SLC30A4: variants seen among roughly 807,000 people sequenced by gnomAD.
The protein encoded by SLC30A4 is solute carrier family 30 member 4.
SLC30A4 carries 20 observed loss-of-function variants against 41.7 expected under a neutral mutation model. The observed-to-expected ratio is 0.48, with a 90% CI of 0.34 to 0.70. The LOEUF is 0.70. SLC30A4 is among the 30% of genes least tolerant of loss of function. The pLI is 0.01. For synonymous variants in SLC30A4, 181 were observed against 195.9 expected (o/e 0.92, Z 0.64); for missense variants, 441 against 529.3 (o/e 0.83, Z 1.64).
At chr15:45,521,666 A>G (rs983608282) in intron 2 of SLC30A4, among the ~76,000 whole-genome samples, 2 of 152,252 alleles carry the variant, frequency 1.3e-5, no homozygotes, top group Admixed American at 1.3e-4. Context: ...GTATTTTACC[A>G]GACCTTTGTA....
chr15:45,492,893 C>T (rs1446947499), intron 3 of SLC30A4, among the ~76,000 whole-genome samples: 1 of 152,088 alleles, frequency 6.6e-6, no homozygotes, highest in Non-Finnish European at 1.5e-5. Flanking sequence ...GCTTTTGTAC[C>T]ATTTGAGTTT....
intron 3 of SLC30A4, among the ~76,000 whole-genome samples, chr15:45,500,938 C>T (rs1349864767): frequency 6.7e-6 from 1 of 149,742 alleles, no homozygotes; most frequent in Non-Finnish European, 1.5e-5. Flanking sequence ...CCCTCCTCGG[C>T]CTCCCAAAGT....
At chr15:45,515,585 G>A (rs1252634544) in intron 2 of SLC30A4, among the ~76,000 whole-genome samples, 1 of 151,898 alleles carries the variant, frequency 6.6e-6, no homozygotes, top group South Asian at 2.1e-4. Context: ...CCTGGGAGGT[G>A]GAGCTTGCAG....
At chr15:45,505,238 TAAAA>T (rs1209222695) in intron 3 of SLC30A4, among the ~76,000 whole-genome samples, 2 of 53,280 alleles carry the variant, frequency 3.8e-5, no homozygotes, top group Non-Finnish European at 4.1e-5. Context: ...TCTCAAAAAT[TAAAA>T]AAAAAAAAAA....
chr15:45,521,862 C>T, intron 2 of SLC30A4, 102 bp downstream of exon 2: 1 of 1,233,638 alleles, frequency 8.1e-7, no homozygotes, highest in Non-Finnish European at 1.1e-6. Flanking sequence ...TAAATACAAA[C>T]TTCCTGAAAA....
intron 2 of SLC30A4, among the ~76,000 whole-genome samples, chr15:45,517,315 T>G (rs1417605652): frequency 6.6e-6 from 1 of 151,068 alleles, no homozygotes; most frequent in Non-Finnish European, 1.5e-5. Flanking sequence ...CTCATATTCT[T>G]GCTTCCAAGA....
At chr15:45,490,684 T>G in intron 4 of SLC30A4, 44 bp downstream of exon 4, 1 of 1,373,092 alleles carries the variant, frequency 7.3e-7, no homozygotes, top group Non-Finnish European at 1.0e-6. Context: ...AGTCTCTGAG[T>G]TCACAGTACT....
chr15:45,503,781 T>C (rs1366709489), intron 3 of SLC30A4, among the ~76,000 whole-genome samples: 4 of 152,076 alleles, frequency 2.6e-5, no homozygotes, highest in Admixed American at 2.0e-4. Flanking sequence ...ATCCCATCTC[T>C]ACTAAAAAGA....
rs1052379471 is a variant in SLC30A4 at position 45,482,682 on chromosome 15, A to G, written c.*2481T>C. 5.9e-5 allele frequency: 9 copies of G among 152,140 alleles called. No individual in the cohort carries two copies. Among genetic ancestry groups the G allele is most frequent in the African/African-American group, 2.2e-4 (9 of 41,434 alleles). The allele number at this position is 152,140 out of a possible 1,614,324, so 9.4% of individuals were successfully genotyped here. On this transcript the variant is annotated 3_prime_UTR_variant, in exon 8 of 8. Transcript: ENST00000261867. ...TCTCATTTATTCTTACTTGGTTTCT[A>G]TATGTAAGAATATTTTGATTTAAAT...
Position 45,483,942 on chromosome 15 carries a change from A to G in SLC30A4, c.*1221T>C, listed in dbSNP as rs1342549750. 6.6e-6 allele frequency: 1 copy of G among 152,260 alleles called. No individual in the cohort carries two copies. The highest frequency in any genetic ancestry group is 1.5e-5 in the Non-Finnish European group (1 of 68,060). 9.4% of individuals were successfully genotyped at this position (152,260 alleles called of 1,614,324 possible). ...TTTACATTTCTGTTTTCTCAAAGTAATATCTTCCCCCAACCCCTTGGACAT... is the reference window on the plus strand; with the variant it reads ...TTTACATTTCTGTTTTCTCAAAGTAGTATCTTCCCCCAACCCCTTGGACAT... On this transcript the variant is annotated 3_prime_UTR_variant, in exon 8 of 8. Transcript: ENST00000261867.
intron 3 of SLC30A4, among the ~76,000 whole-genome samples, chr15:45,508,666 A>G (rs896584992): frequency 1.3e-5 from 2 of 152,066 alleles, no homozygotes; most frequent in Non-Finnish European, 2.9e-5. Context: ...CTATGTTTTT[A>G]TCTTAATGGA....
In SLC30A4 at chr15:45,485,004, G is replaced by C; in HGVS notation, c.*159C>G. On this transcript the variant is annotated 3_prime_UTR_variant, in exon 8 of 8. Coordinates refer to ENST00000261867, the MANE Select transcript of SLC30A4 (RefSeq NM_013309.6). ...CAAAGTCTCCTTTTACCATTAAACAGAGACTAGCACTGTCAGGCTGGGGCA... is the reference window on the plus strand; with the variant it reads ...CAAAGTCTCCTTTTACCATTAAACACAGACTAGCACTGTCAGGCTGGGGCA... 1 of 582,820 alleles carries C rather than the reference G, an allele frequency of 1.7e-6. No homozygotes were observed. Among genetic ancestry groups the C allele is most frequent in the East Asian group, 2.9e-5 (1 of 34,124 alleles). 36.1% of individuals were successfully genotyped at this position (582,820 alleles called of 1,614,324 possible).
chr15:45,491,023 T>A (rs1046058535), intron 3 of SLC30A4, 142 bp from the exon 4 acceptor site: 1 of 560,200 alleles, frequency 1.8e-6, no homozygotes, highest in Non-Finnish European at 2.9e-6. Context: ...GTCATTTTTC[T>A]TATTTATTTT....
At chr15:45,487,686 TGCAAA>T in intron 5 of SLC30A4, 54 bp from the exon 6 acceptor site, 3 of 854,520 alleles carry the variant, frequency 3.5e-6, no homozygotes, top group Non-Finnish European at 3.9e-6. Flanking sequence ...TAAAACAGAC[TGCAAA>T]GCAAAGCAAG....
intron 3 of SLC30A4, 75 bp from the exon 4 acceptor site, chr15:45,490,956 A>T (rs1236921616): frequency 5.2e-6 from 5 of 961,934 alleles, no homozygotes; most frequent in Non-Finnish European, 7.5e-6. Flanking sequence ...AATATTATAT[A>T]GTCTTTTTTA....
chr15:45,501,967 T>G (rs1026635972), intron 3 of SLC30A4: 1 of 152,206 alleles, frequency 6.6e-6, no homozygotes, highest in African/African-American at 2.4e-5. Flanking sequence ...AGGATGATAC[T>G]ACTAATATCT....
Position 45,522,108 on chromosome 15 carries a change from A to G in SLC30A4, c.247T>C (p.Leu83=), listed in dbSNP as rs61756712. The change falls in exon 2 of 8, where the codon TTG becomes CTG. Residue 83 remains leucine (L), a synonymous_variant. Coordinates refer to ENST00000261867, the MANE Select transcript of SLC30A4 (RefSeq NM_013309.6). ...TTCAAACTCAGCTGACTGTTGGTCA[A>G]AGGTAAGTCTTGGTCCAGTAAGGAA... ...DDSLLDQDLP[L]TNSQLSLKVD... is the part of the protein sequence containing the mutation. 0.016 allele frequency: 26,077 copies of G among 1,614,082 alleles called. 3,409 individuals carry two copies. The African/African-American group carries it at 0.29, about 18-fold the overall frequency.
intron 3 of SLC30A4, among the ~76,000 whole-genome samples, chr15:45,504,953 G>C (rs953070108): frequency 6.6e-6 from 1 of 152,018 alleles, no homozygotes; most frequent in Non-Finnish European, 1.5e-5. Context: ...ACAATCAACC[G>C]GGTATGGTGG....
At chr15:45,491,278 C>T (rs192915274) in intron 3 of SLC30A4, among the ~76,000 whole-genome samples, 1 of 152,174 alleles carries the variant, frequency 6.6e-6, no homozygotes, top group Non-Finnish European at 1.5e-5. Flanking sequence ...CTAATTTACC[C>T]TTACCTCTCC....
Sources: gnomAD v4.1 joint callset for allele counts (sites outside exome capture counted in the v4.1 genomes callset) on GRCh38, gnomAD v4.1.1 for gene constraint, MANE v1.5 for transcripts, NCBI Gene and HGNC (gene_info 2026-07-23, HGNC 2026-07-21) for gene names.